The following POU2F2 variants were observed in gnomAD, a reference collection of about 807,000 sequenced individuals.
POU2F2 encodes the protein POU class 2 homeobox 2.
Under a neutral mutation model 63.5 loss-of-function variants are expected in POU2F2, and 14 were observed. The ratio of observed to expected loss-of-function variants is 0.22; its 90% CI spans 0.15 to 0.34. POU2F2 has a LOEUF of 0.34. POU2F2 is among the 10% of genes least tolerant of loss of function. POU2F2 has a pLI of 1.00. For missense variants in POU2F2, 607 were observed against 815.2 expected (o/e 0.74, Z 3.11); for synonymous variants, 306 against 348.6 (o/e 0.88, Z 1.36).
chr19:42,103,138 A>C (rs2077205383), intron 5 of POU2F2, among the ~76,000 whole-genome samples: 1 of 151,774 alleles, frequency 6.6e-6, no homozygotes, highest in African/African-American at 2.4e-5. Flanking sequence ...ATCCTAACAC[A>C]AAGTCACCCT....
rs557963379 is a variant in POU2F2, at chr19:42,096,381, C to T, written c.568-138G>A. On this transcript the variant is annotated intron_variant, in intron 7 of 14. Coordinates refer to ENST00000692977, the MANE Select transcript of POU2F2 (RefSeq NM_001394376.1). The surrounding 1 kb of genome is among the most constrained non-coding windows in gnomAD (Gnocchi z 4.1). Reference sequence around the variant, plus strand: ...TGCAGACTCCCCCCGCCTTCCTCCACAAGCACCGTCAATCCCTTTAAAGGT... The same window carrying T: ...TGCAGACTCCCCCCGCCTTCCTCCATAAGCACCGTCAATCCCTTTAAAGGT... 2.2e-5 allele frequency: 19 copies of T among 878,480 alleles called. No homozygotes were observed. In the African/African-American group the frequency reaches 2.4e-4, roughly 11 times the overall value. 54.4% of individuals were successfully genotyped at this position (878,480 alleles called of 1,614,324 possible). A position where few individuals can be genotyped will look rare whatever the true frequency, so the allele number is the denominator to read the frequency against.
chr19:42,154,337 G>A (rs902307644), intron 2 of POU2F2, among the ~76,000 whole-genome samples: 6 of 151,954 alleles, frequency 3.9e-5, no homozygotes. Context: ...GAGAAGCAGA[G>A]ACAGAAGATG....
chr19:42,092,197 C>T lies in POU2F2; in HGVS notation c.1338G>A (p.Gly446=). ...GGATGGAATTGAGGGGGGGCGCAGCCCCGCCCCCGCCCCCACCCCCTCCAG... is the reference window on the plus strand; with the variant it reads ...GGATGGAATTGAGGGGGGGCGCAGCTCCGCCCCCGCCCCCACCCCCTCCAG... ...RTAGGGGGGG[G]AAPPLNSIPS... Residue 446 remains glycine, a synonymous_variant, in exon 13 of 15, where the codon GGG becomes GGA. Transcript: ENST00000692977. This position sits in a 1 kb window ranked among gnomAD's most constrained non-coding sequence, Gnocchi z 5.0. 2 of 1,548,564 alleles carry T rather than the reference C, an allele frequency of 1.3e-6. No homozygotes were observed. The highest frequency in any genetic ancestry group is 1.7e-6 in the Non-Finnish European group (2 of 1,149,404).
chr19:42,151,823 G>A (rs2034357739), intron 2 of POU2F2, among the ~76,000 whole-genome samples: 2 of 152,208 alleles, frequency 1.3e-5, no homozygotes, highest in Admixed American at 1.3e-4. Flanking sequence ...TGAGGAAAAA[G>A]TGAGGCTAAG....
At chr19:42,104,383 G>C (rs1039695823) in intron 5 of POU2F2, among the ~76,000 whole-genome samples, 5 of 151,802 alleles carry the variant, frequency 3.3e-5, no homozygotes, top group African/African-American at 1.2e-4. Context: ...TGGCCTTCTA[G>C]AGAGGTGCAA....
intron 5 of POU2F2, among the ~76,000 whole-genome samples, chr19:42,105,469 G>C (rs374470019): frequency 1.3e-5 from 2 of 152,040 alleles, no homozygotes; most frequent in African/African-American, 4.8e-5. Flanking sequence ...ATAACCCTTA[G>C]CTTGTTGATT....
intron 1 of POU2F2, among the ~76,000 whole-genome samples, chr19:42,131,169 C>T (rs1044957335): frequency 6.7e-6 from 1 of 149,158 alleles, no homozygotes; most frequent in Non-Finnish European, 1.5e-5. Flanking sequence ...CTCCCCCATC[C>T]CAGCCCTGAT....
rs202156032 is a variant in POU2F2, at chr19:42,169,758, G to A, written c.-70+6205C>T. ...AGTGCGCGCACACGTGTGTGTGTGC[G>A]TGTGTGTGTGTGTCGGGGTGATATA... On this transcript the variant is annotated intron_variant, in intron 1 of 6. Coordinates refer to the POU2F2 transcript ENST00000524801. The surrounding 1 kb of genome is among the most constrained non-coding windows in gnomAD (Gnocchi z 4.3). 3.3e-5 allele frequency among the ~76,000 whole-genome samples: 5 copies of A among 151,672 alleles called. No individual in the cohort carries two copies. Among genetic ancestry groups the A allele is most frequent in the East Asian group, 1.9e-4 (1 of 5,150 alleles).
chr19:42,095,520 G>A lies in POU2F2; in HGVS notation c.1020+25C>T. On this transcript the variant is annotated intron_variant, in intron 10 of 14. Transcript: ENST00000692977. This position sits in a 1 kb window ranked among gnomAD's most constrained non-coding sequence, Gnocchi z 7.1. ...ACCGCCCGCCACCCCTCAGGTGAGGGCCACCCAGGAGAGGGGGGCCTCACC... is the reference window on the plus strand; with the variant it reads ...ACCGCCCGCCACCCCTCAGGTGAGGACCACCCAGGAGAGGGGGGCCTCACC... The A allele has an allele frequency of 1.9e-6, 3 of 1,602,014 alleles. No homozygotes were observed. In the South Asian group the frequency reaches 3.3e-5, roughly 18 times the overall value.
At chr19:42,104,275 A>G (rs541333890) in intron 5 of POU2F2, among the ~76,000 whole-genome samples, 1 of 152,206 alleles carries the variant, frequency 6.6e-6, no homozygotes, top group South Asian at 2.1e-4. Flanking sequence ...TGAGAGGGTG[A>G]TTTGGCAATG....
chr19:42,123,313 C>G (rs2032865096), intron 1 of POU2F2: 2 of 152,308 alleles, frequency 1.3e-5, no homozygotes, highest in South Asian at 4.1e-4. Flanking sequence ...CAAGTCCACC[C>G]CTGTAATACA....
At chr19:42,197,113 G>A (rs1326080668), upstream of POU2F2, among the ~76,000 whole-genome samples, 1 of 152,192 alleles carries the variant, frequency 6.6e-6, no homozygotes, top group Non-Finnish European at 1.5e-5. Flanking sequence ...ACCCCACCTA[G>A]AGGAGAGCCT....
chr19:42,183,552 GTACATT>G (rs1198669281), intron 1 of POU2F2, among the ~76,000 whole-genome samples: 6 of 152,164 alleles, frequency 3.9e-5, no homozygotes, highest in African/African-American at 1.4e-4. Context: ...TCATTAAACT[GTACATT>G]TACAACTGGT....
chr19:42,186,036 C>T lies in POU2F2; in HGVS notation c.-70+10347G>A, dbSNP rs139352465. On this transcript the variant is annotated intron_variant, in intron 1 of 5. Coordinates refer to the POU2F2 transcript ENST00000532176. ...GCCCCAGTAGCTGGGACTATAGGTG[C>T]GCACAACTACACCCGGCATTTTCTT... 7.1e-4 allele frequency among the ~76,000 whole-genome samples: 108 copies of T among 152,210 alleles called. 1 individual carries two copies. The East Asian group carries it at 0.016, about 23-fold the overall frequency.
chr19:42,179,854 G>A (rs1021358191), upstream of POU2F2, among the ~76,000 whole-genome samples: 15 of 152,260 alleles, frequency 9.9e-5, no homozygotes, highest in Admixed American at 2.6e-4. Flanking sequence ...CTCCCTGTAC[G>A]GAGCAGCCTC....
chr19:42,164,953 CAAA>C (rs34319750), intron 1 of POU2F2, among the ~76,000 whole-genome samples: 2 of 120,332 alleles, frequency 1.7e-5, no homozygotes, highest in Non-Finnish European at 1.8e-5. Context: ...CAGGCTATCT[CAAA>C]AAAAAAAAAA....
intron 1 of POU2F2, among the ~76,000 whole-genome samples, chr19:42,125,291 G>A (rs2033089202): frequency 6.7e-6 from 1 of 149,602 alleles, no homozygotes; most frequent in South Asian, 2.1e-4. Context: ...GAGCCCAGGA[G>A]ATTGAGGCTA....
chr19:42,117,078 G>C lies in POU2F2; in HGVS notation c.369+172C>G, dbSNP rs2032008950. 1 of 673,042 alleles carries C rather than the reference G, an allele frequency of 1.5e-6. No individual in the cohort carries two copies. The highest frequency in any genetic ancestry group is 1.8e-5 in the African/African-American group (1 of 54,272). 41.7% of individuals were successfully genotyped at this position (673,042 alleles called of 1,614,324 possible). A position where few individuals can be genotyped will look rare whatever the true frequency, so the allele number is the denominator to read the frequency against. The stretch of plus-strand genomic sequence containing the variant: ...GAGCAGAGAAGGCAGAGAGGGGTTA[G>C]TGCCTAAGCCAAGCAAGTAAGGGGA... On this transcript the variant is annotated intron_variant, in intron 5 of 14. Coordinates refer to ENST00000692977, the MANE Select transcript of POU2F2 (RefSeq NM_001394376.1). This position sits in a 1 kb window ranked among gnomAD's most constrained non-coding sequence, Gnocchi z 4.4.
intron 2 of POU2F2, among the ~76,000 whole-genome samples, chr19:42,145,762 C>T (rs913455576): frequency 1.3e-5 from 2 of 152,048 alleles, no homozygotes; most frequent in Non-Finnish European, 2.9e-5. Context: ...CAGTGAAATC[C>T]GTCTCTACTA....
Sources: allele counts gnomAD v4.1 joint callset (sites outside exome capture counted in the v4.1 genomes callset), GRCh38; gene constraint gnomAD v4.1.1; non-coding constraint Gnocchi (gnomAD v3.1); transcripts MANE v1.5; gene names NCBI Gene and HGNC (gene_info 2026-07-23, HGNC 2026-07-21).